The following POR variants were observed in gnomAD, a reference collection of about 807,000 sequenced individuals.
POR encodes the protein NADPH--cytochrome P450 reductase.
Under a neutral mutation model 84.0 loss-of-function variants are expected in POR, and 56 were observed. The ratio of observed to expected loss-of-function variants is 0.67; its 90% CI spans 0.54 to 0.83. The LOEUF (loss-of-function observed/expected upper bound fraction) is 0.83, where lower values mean the gene tolerates loss of function less well. Among genes scored for constraint, POR ranks in the 40% least tolerant of loss-of-function variants. The pLI is 0.00. For synonymous variants in POR, 414 were observed against 400.5 expected (o/e 1.03, Z -0.40); for missense variants, 938 against 944.3 (o/e 0.99, Z 0.09).
At position 75,964,400 on chromosome 7, in the gene POR, C is replaced by T. The variant is rs554330574; in HGVS notation, c.189-8013C>T. On this transcript the variant is annotated intron_variant, in intron 2 of 15. Coordinates refer to ENST00000461988, the MANE Select transcript of POR (RefSeq NM_000941.3). ...TCGGCTCACTGCCACCTCCGCCTCC[C>T]GGCTTCAGGCGATTCTCCTGCTTCA... 5.3e-5 allele frequency among the ~76,000 whole-genome samples: 8 copies of T among 151,600 alleles called. No individual in the cohort carries two copies. The East Asian group carries it at 1.2e-3, about 22-fold the overall frequency.
intron 2 of POR, chr7:75,971,156 T>A (rs1202456646): frequency 1.3e-5 from 2 of 151,714 alleles, no homozygotes; most frequent in Non-Finnish European, 2.9e-5. Context: ...GAGACGGGGT[T>A]TTGCCATGTT....
Position 75,918,882 on chromosome 7 carries a change from T to C in POR, c.-5+3703T>C, listed in dbSNP as rs3823883. ...CTCTGGGGGGCATGTAGGGTGTAGATTGCATGAGGCTGAGGTCGCGTGGTG... is the reference window on the plus strand; with the variant it reads ...CTCTGGGGGGCATGTAGGGTGTAGACTGCATGAGGCTGAGGTCGCGTGGTG... On this transcript the variant is annotated intron_variant, in intron 1 of 15. Coordinates refer to ENST00000461988, the MANE Select transcript of POR (RefSeq NM_000941.3). Among the ~76,000 whole-genome samples the C allele has an allele frequency of 8.3e-4, 126 of 151,938 alleles. No individual in the cohort carries two copies. The East Asian group carries it at 0.024, about 29-fold the overall frequency.
chr7:75,968,226 GC>G (rs765126634), intron 2 of POR: 20 of 466,634 alleles, frequency 4.3e-5, no homozygotes, highest in Non-Finnish European at 7.1e-5. Context: ...CTTCCTCCTG[GC>G]GGGGACCTGC....
At chr7:75,968,216 C>T (rs1167102147) in intron 2 of POR, 2 of 465,996 alleles carry the variant, frequency 4.3e-6, no homozygotes, top group African/African-American at 4.0e-5. Flanking sequence ...GTGTGGGAGA[C>T]TTCCTCCTGG....
intron 3 of POR, chr7:75,972,675 A>G (rs1788495567): frequency 1.1e-5 from 7 of 632,896 alleles, no homozygotes; most frequent in Non-Finnish European, 2.0e-5. Flanking sequence ...TTGAATCTTT[A>G]CTTTTTGAAC....
intron 8 of POR, among the ~76,000 whole-genome samples, chr7:75,983,058 G>A (rs1374383344): frequency 6.6e-6 from 1 of 152,182 alleles, no homozygotes; most frequent in Non-Finnish European, 1.5e-5. Context: ...AACTGCATTA[G>A]GGCTGGGCGA....
intron 1 of POR, among the ~76,000 whole-genome samples, chr7:75,941,533 G>C (rs2116339510): frequency 6.6e-6 from 1 of 152,288 alleles, no homozygotes; most frequent in East Asian, 1.9e-4. Flanking sequence ...CGGTAACTAG[G>C]TGCACTTCAG....
intron 2 of POR, among the ~76,000 whole-genome samples, chr7:75,954,899 G>A (rs1230272514): frequency 2.0e-5 from 3 of 151,860 alleles, no homozygotes; most frequent in South Asian, 2.1e-4. Flanking sequence ...GTAGAGACAG[G>A]GTCTCACCAT....
In POR at chr7:75,975,201, A is replaced by G. The variant is rs556741928; in HGVS notation, c.237+2740A>G. 3.3e-5 allele frequency among the ~76,000 whole-genome samples: 5 copies of G among 152,202 alleles called. No homozygotes were observed. The South Asian group carries it at 1.0e-3, about 32-fold the overall frequency. ...TTTAGGGTTTTGTTTTTCATATTCA[A>G]AATTTAAAATCTGATCTATTGGGAA... On this transcript the variant is annotated intron_variant, in intron 3 of 15. Coordinates refer to ENST00000461988, the MANE Select transcript of POR (RefSeq NM_000941.3).
intron 3 of POR, among the ~76,000 whole-genome samples, chr7:75,978,761 T>C (rs1554557204): frequency 6.6e-6 from 1 of 151,834 alleles, no homozygotes; most frequent in East Asian, 1.9e-4. Context: ...CGACCTCAAG[T>C]CATCCACCCG....
At chr7:75,934,364 C>G (rs12533235) in intron 1 of POR, among the ~76,000 whole-genome samples, 31,743 of 151,934 alleles carry the variant, frequency 0.21, 5,281 homozygotes, top group African/African-American at 0.45. Context: ...GCTTTTACTA[C>G]CCTACATTCA....
chr7:75,981,906 A>G, intron 7 of POR: 1 of 570,220 alleles, frequency 1.8e-6, no homozygotes, highest in Non-Finnish European at 3.1e-6. Context: ...GACTTGGCCA[A>G]AAACATAACG....
chr7:75,950,038 A>ATT lies in POR; in HGVS notation c.-4-3940_-4-3939dup, dbSNP rs1255870554. Among the ~76,000 whole-genome samples the ATT allele has an allele frequency of 7.3e-4, 102 of 139,530 alleles. No individual in the cohort carries two copies. The Middle Eastern group carries it at 0.012, about 17-fold the overall frequency. 91.5% of individuals were successfully genotyped at this position (139,530 alleles called of 152,430 possible). On this transcript the variant is annotated intron_variant, in intron 1 of 15. Transcript: ENST00000461988. The stretch of plus-strand genomic sequence containing the variant: ...CCACCACGCCTGGCTAATTTCTTGT[A>ATT]TTTTTTTTTTTTAAGTAGAGACGGG...
intron 1 of POR, among the ~76,000 whole-genome samples, chr7:75,917,383 CTTTTTTTT>C (rs373478392): frequency 8.7e-6 from 1 of 115,262 alleles, no homozygotes; most frequent in East Asian, 2.2e-4. Flanking sequence ...ATTTCTTCTT[CTTTTTTTT>C]TTTTTTTTTT....
At chr7:75,933,055 G>C (rs977675788) in intron 1 of POR, among the ~76,000 whole-genome samples, 1 of 150,424 alleles carries the variant, frequency 6.6e-6, no homozygotes, top group Non-Finnish European at 1.5e-5. Flanking sequence ...AGTATGTCCT[G>C]TAATATGCAT....
intron 1 of POR, among the ~76,000 whole-genome samples, chr7:75,925,462 C>T (rs1807067299): frequency 6.6e-6 from 1 of 152,132 alleles, no homozygotes; most frequent in South Asian, 2.1e-4. Flanking sequence ...GAGTTCAAGG[C>T]TGTAGTAAGC....
intron 2 of POR, chr7:75,967,867 A>G (rs1788253274): frequency 2.8e-6 from 1 of 358,642 alleles, no homozygotes; most frequent in Non-Finnish European, 5.6e-6. Context: ...TCTTGGGCTC[A>G]TGGGGGCAGA....
chr7:75,952,810 C>T (rs1222474222), intron 1 of POR, among the ~76,000 whole-genome samples: 8 of 151,484 alleles, frequency 5.3e-5, no homozygotes, highest in South Asian at 2.1e-4. Context: ...GGATGGCGGC[C>T]GGGCAGAGAC....
chr7:75,976,823 C>T (rs1788717928), intron 3 of POR, among the ~76,000 whole-genome samples: 1 of 151,728 alleles, frequency 6.6e-6, no homozygotes, highest in Admixed American at 6.6e-5. Context: ...AGTATAAGAA[C>T]ATTTATTGTA....
Sources: gnomAD v4.1 joint callset for allele counts (sites outside exome capture counted in the v4.1 genomes callset) on GRCh38, gnomAD v4.1.1 for gene constraint, MANE v1.5 for transcripts, NCBI Gene and HGNC (gene_info 2026-07-23, HGNC 2026-07-21) for gene names.